PDE1A: variants seen among roughly 807,000 people sequenced by gnomAD.
The protein encoded by PDE1A is phosphodiesterase 1A.
Under a neutral mutation model 61.7 loss-of-function variants are expected in PDE1A, and 35 were observed. That is an observed-to-expected ratio of 0.57 (90% CI 0.43 to 0.75). The LOEUF is 0.75. PDE1A is among the 30% of genes least tolerant of loss of function. PDE1A has a pLI of 0.00. For synonymous variants in PDE1A, 232 were observed against 213.2 expected, an observed-to-expected ratio of 1.09 and a Z score of -0.77; for missense variants, 597 against 630.6, an observed-to-expected ratio of 0.95 and a Z score of 0.57.
the PDE1A span, among the ~76,000 whole-genome samples, chr2:182,612,713 A>G: frequency 6.6e-6 from 1 of 152,216 alleles, no homozygotes; most frequent in African/African-American, 2.4e-5. Context: ...AAGTAGGCGC[A>G]TGATATTTTC....
chr2:182,240,399 T>C, intron 2 of PDE1A, 107 bp from the exon 3 acceptor site: 1 of 620,662 alleles, frequency 1.6e-6, no homozygotes, highest in East Asian at 3.0e-5. Context: ...AATCACTCTC[T>C]GATTATTCCT....
intron 1 of PDE1A, among the ~76,000 whole-genome samples, chr2:182,391,984 C>T (rs1473019579): frequency 6.6e-6 from 1 of 152,136 alleles, no homozygotes; most frequent in Non-Finnish European, 1.5e-5. Context: ...AGAGCCAGAA[C>T]CCCTTTAATG....
At chr2:182,149,806 A>G (rs1302216005) in intron 13 of PDE1A, among the ~76,000 whole-genome samples, 1 of 152,168 alleles carries the variant, frequency 6.6e-6, no homozygotes, top group African/African-American at 2.4e-5. Context: ...GCTTTGAGAA[A>G]CACCCATATA....
rs1392512448 is a variant in PDE1A, at chr2:182,493,354, C to A, written c.101+28922G>T. The stretch of plus-strand genomic sequence containing the variant: ...ACGTGCAGGCTTGTTACATATGTAT[C>A]CATGTGCCGTGTTGGTGTGCTGCAC... On this transcript the variant is annotated intron_variant, in intron 2 of 14. Transcript: ENST00000410103. 3.3e-5 allele frequency among the ~76,000 whole-genome samples: 5 copies of A among 151,226 alleles called. No homozygotes were observed. In the East Asian group the frequency reaches 9.8e-4, roughly 30 times the overall value.
At chr2:182,452,401 T>A (rs909456347) in intron 2 of PDE1A, among the ~76,000 whole-genome samples, 3 of 152,250 alleles carry the variant, frequency 2.0e-5, no homozygotes, top group African/African-American at 7.2e-5. Context: ...GTGTAGGGGA[T>A]GACTGAAAAA....
chr2:182,583,356 A>G, the PDE1A span, among the ~76,000 whole-genome samples: 2 of 152,210 alleles, frequency 1.3e-5, no homozygotes, highest in African/African-American at 4.8e-5. Context: ...TATAGTAGAA[A>G]TCTGTTTCAC....
intron 2 of PDE1A, among the ~76,000 whole-genome samples, chr2:182,503,074 T>TACAC (rs1689191029): frequency 3.6e-4 from 3 of 8,328 alleles, no homozygotes; most frequent in African/African-American, 7.3e-4. Context: ...CACACACACA[T>TACAC]ACACACACAC....
chr2:182,449,811 T>C (rs1325886925), intron 2 of PDE1A, among the ~76,000 whole-genome samples: 2 of 152,058 alleles, frequency 1.3e-5, no homozygotes, highest in African/African-American at 4.8e-5. Flanking sequence ...ACCTTCATAT[T>C]ACTAAAATAG....
At position 182,443,911 on chromosome 2, in the gene PDE1A, C is replaced by G. The variant is rs555583555; in HGVS notation, c.101+78365G>C. 5.9e-5 allele frequency among the ~76,000 whole-genome samples: 9 copies of G among 152,074 alleles called. No individual in the cohort carries two copies. In the South Asian group the frequency reaches 1.7e-3, roughly 28 times the overall value. On this transcript the variant is annotated intron_variant, in intron 2 of 14. Coordinates refer to the PDE1A transcript ENST00000410103. Reference sequence around the variant, plus strand: ...AGAGATGAGGTTTCTCCATGTTGGTCAGGTTGGTCTTGAACTCCTGACCTC... The same window carrying G: ...AGAGATGAGGTTTCTCCATGTTGGTGAGGTTGGTCTTGAACTCCTGACCTC...
the PDE1A span, among the ~76,000 whole-genome samples, chr2:182,567,375 T>C: frequency 2.6e-5 from 4 of 152,196 alleles, no homozygotes; most frequent in Non-Finnish European, 5.9e-5. Context: ...AGAAGTACTA[T>C]TCATTTACTT....
At chr2:182,566,546 A>G in the PDE1A span, among the ~76,000 whole-genome samples, 1 of 151,704 alleles carries the variant, frequency 6.6e-6, no homozygotes, top group East Asian at 1.9e-4. Flanking sequence ...GAAACAGGAA[A>G]TAAGTAAATT....
intron 1 of PDE1A, among the ~76,000 whole-genome samples, chr2:182,346,309 A>G (rs1698515937): frequency 6.6e-6 from 1 of 152,196 alleles, no homozygotes; most frequent in African/African-American, 2.4e-5. Flanking sequence ...TTGCAAAAGG[A>G]AAACTCAAAA....
the PDE1A span, among the ~76,000 whole-genome samples, chr2:182,672,953 G>T: frequency 6.6e-6 from 1 of 152,250 alleles, no homozygotes; most frequent in East Asian, 1.9e-4. Context: ...ATTCTCATGT[G>T]CATGTCCAGT....
intron 13 of PDE1A, among the ~76,000 whole-genome samples, chr2:182,181,989 A>C (rs78248742): frequency 0.015 from 2,246 of 152,308 alleles, 31 homozygotes; most frequent in South Asian, 0.057. Context: ...TAATATGTAC[A>C]TACTACAGTA....
At chr2:182,261,063 T>A (rs1416162417) in intron 2 of PDE1A, among the ~76,000 whole-genome samples, 1 of 152,190 alleles carries the variant, frequency 6.6e-6, no homozygotes, top group Non-Finnish European at 1.5e-5. Flanking sequence ...GCTTAGAAGA[T>A]TTTTTAGCAT....
At chr2:182,383,551 T>G (rs186211354) in intron 1 of PDE1A, among the ~76,000 whole-genome samples, 265 of 152,276 alleles carry the variant, frequency 1.7e-3, no homozygotes, top group African/African-American at 6.1e-3. Flanking sequence ...GATAACATTT[T>G]AGATCTAGTT....
chr2:182,354,371 A>G (rs1051945816), intron 1 of PDE1A, among the ~76,000 whole-genome samples: 2 of 152,138 alleles, frequency 1.3e-5, no homozygotes, highest in African/African-American at 4.8e-5. Context: ...CATCCTATCA[A>G]TCCTGTAGTT....
the PDE1A span, among the ~76,000 whole-genome samples, chr2:182,622,862 T>G: frequency 2.0e-5 from 3 of 152,108 alleles, no homozygotes; most frequent in Non-Finnish European, 4.4e-5. Context: ...AGACACAGAT[T>G]CAAGGACATA....
chr2:182,617,928 C>A, the PDE1A span, among the ~76,000 whole-genome samples: 4 of 152,166 alleles, frequency 2.6e-5, no homozygotes, highest in Non-Finnish European at 4.4e-5. Context: ...CATAGTGTAA[C>A]CCTCATACCT....
Sources: gnomAD v4.1 joint callset for allele counts (sites outside exome capture counted in the v4.1 genomes callset) on GRCh38, gnomAD v4.1.1 for gene constraint, MANE v1.5 for transcripts, NCBI Gene and HGNC (gene_info 2026-07-23, HGNC 2026-07-21) for gene names.